SLC24A2: variants seen among roughly 807,000 people sequenced by gnomAD.
SLC24A2 encodes the protein sodium/potassium/calcium exchanger 2.
A neutral mutation model predicts 62.0 loss-of-function variants in SLC24A2; 36 were observed. That is an observed-to-expected ratio of 0.58 (90% confidence interval 0.44 to 0.77). SLC24A2 has a LOEUF of 0.77. Among genes scored for constraint, SLC24A2 ranks in the 30% least tolerant of loss-of-function variants. The pLI is 0.00. For missense variants in SLC24A2, 846 were observed against 817.9 expected (o/e 1.03, Z -0.42); for synonymous variants, 358 against 294.0 (o/e 1.22, Z -2.23).
the SLC24A2 span, among the ~76,000 whole-genome samples, chr9:20,064,667 T>A: frequency 1.3e-5 from 2 of 152,242 alleles, no homozygotes; most frequent in African/African-American, 4.8e-5. Flanking sequence ...ATGGATTTGA[T>A]AATTGTCCTT....
the SLC24A2 span, among the ~76,000 whole-genome samples, chr9:20,005,417 T>A: frequency 0.011 from 1,626 of 152,284 alleles, 36 homozygotes; most frequent in African/African-American, 0.037. Flanking sequence ...ATATGTTAGC[T>A]TGTTTAATCT....
At chr9:19,546,953 C>T (rs1834609173) in intron 8 of SLC24A2, among the ~76,000 whole-genome samples, 1 of 152,112 alleles carries the variant, frequency 6.6e-6, no homozygotes, top group African/African-American at 2.4e-5. Flanking sequence ...TTCCTGACCC[C>T]TTGCACTTCC....
At chr9:19,642,749 C>T (rs10435775) in intron 2 of SLC24A2, among the ~76,000 whole-genome samples, 7 of 133,786 alleles carry the variant, frequency 5.2e-5, no homozygotes, top group Admixed American at 1.7e-4. Flanking sequence ...GGCACTATCT[C>T]GGCTCACTGC....
chr9:20,242,452 T>C, the SLC24A2 span, among the ~76,000 whole-genome samples: 2 of 152,338 alleles, frequency 1.3e-5, no homozygotes, highest in South Asian at 4.1e-4. Context: ...GCTCCAGTAA[T>C]GTGCTTCATA....
At chr9:19,919,028 G>T in the SLC24A2 span, among the ~76,000 whole-genome samples, 2 of 152,128 alleles carry the variant, frequency 1.3e-5, no homozygotes, top group Admixed American at 1.3e-4. Flanking sequence ...TTAAATGAAG[G>T]TTGGAGTTTT....
At chr9:19,873,536 C>CTCTTTCTTTCTTTCTTTCTTTCTTTCTT in the SLC24A2 span, among the ~76,000 whole-genome samples, 36 of 137,126 alleles carry the variant, frequency 2.6e-4, no homozygotes, top group African/African-American at 7.9e-4. Flanking sequence ...TCCTTTCTTT[C>CTCTTTCTTTCTTTCTTTCTTTCTTTCTT]TCTTTCTTTC....
the SLC24A2 span, among the ~76,000 whole-genome samples, chr9:20,159,207 C>T: frequency 1.1e-4 from 16 of 151,728 alleles, no homozygotes; most frequent in East Asian, 2.3e-3. Flanking sequence ...ATCATACACA[C>T]GAACCATTCC....
At chr9:19,679,784 C>T (rs1439506490) in intron 2 of SLC24A2, among the ~76,000 whole-genome samples, 3 of 151,990 alleles carry the variant, frequency 2.0e-5, no homozygotes, top group African/African-American at 7.3e-5. Flanking sequence ...ACTGGGATCT[C>T]TCAGCTTCCA....
chr9:20,220,183 G>A, the SLC24A2 span, among the ~76,000 whole-genome samples: 1 of 151,854 alleles, frequency 6.6e-6, no homozygotes, highest in African/African-American at 2.4e-5. Flanking sequence ...CCAAGGAAAT[G>A]TCTGGTTGTT....
chr9:20,003,011 C>T, the SLC24A2 span, among the ~76,000 whole-genome samples: 63,513 of 151,962 alleles, frequency 0.42, 13,810 homozygotes, highest in African/African-American at 0.46. Context: ...TAATAGCTTT[C>T]GAAAAGGGGA....
the SLC24A2 span, among the ~76,000 whole-genome samples, chr9:20,290,967 G>A: frequency 3.9e-5 from 6 of 152,222 alleles, no homozygotes; most frequent in East Asian, 1.2e-3. Flanking sequence ...TGGAGCTATG[G>A]CCCTGCACCA....
the SLC24A2 span, among the ~76,000 whole-genome samples, chr9:20,120,736 C>G: frequency 6.6e-6 from 1 of 152,050 alleles, no homozygotes; most frequent in African/African-American, 2.4e-5. Context: ...AAAGCAGCAG[C>G]TTTGCCTAAT....
the SLC24A2 span, among the ~76,000 whole-genome samples, chr9:20,065,875 T>A: frequency 6.6e-6 from 1 of 152,178 alleles, no homozygotes; most frequent in East Asian, 1.9e-4. Context: ...TTCTGGATGA[T>A]AATAAGCCAG....
chr9:20,011,810 A>T, the SLC24A2 span, among the ~76,000 whole-genome samples: 1 of 152,196 alleles, frequency 6.6e-6, no homozygotes, highest in East Asian at 1.9e-4. Context: ...ACAGCAAGAG[A>T]CTTTAAGAAC....
At chr9:20,271,964 T>C in the SLC24A2 span, among the ~76,000 whole-genome samples, 882 of 140,522 alleles carry the variant, frequency 6.3e-3, 11 homozygotes, top group African/African-American at 0.022. Flanking sequence ...ATGCTGCCCA[T>C]CTGGAGGGGG....
chr9:20,148,666 G>A, the SLC24A2 span, among the ~76,000 whole-genome samples: 58 of 152,230 alleles, frequency 3.8e-4, no homozygotes, highest in African/African-American at 1.3e-3. Context: ...TGCATGTGAT[G>A]TGTCTCTCAT....
chr9:19,518,417 TTTC>T (rs1833038947), intron 10 of SLC24A2, among the ~76,000 whole-genome samples: 7 of 151,570 alleles, frequency 4.6e-5, no homozygotes, highest in Admixed American at 3.3e-4. Context: ...TTCTTTTTCT[TTTC>T]TTTTCTTTTT....
At chr9:19,987,672 T>C in the SLC24A2 span, among the ~76,000 whole-genome samples, 1 of 152,156 alleles carries the variant, frequency 6.6e-6, no homozygotes, top group Non-Finnish European at 1.5e-5. Flanking sequence ...AACAGGTATA[T>C]TGGTATCTTA....
chr9:19,735,570 C>A (rs1163851297), intron 2 of SLC24A2, among the ~76,000 whole-genome samples: 1 of 152,040 alleles, frequency 6.6e-6, no homozygotes, highest in Non-Finnish European at 1.5e-5. Context: ...ATGTTTATTG[C>A]GGCACTATTC....
Sources: allele counts gnomAD v4.1 joint callset (sites outside exome capture counted in the v4.1 genomes callset), GRCh38; gene constraint gnomAD v4.1.1; transcripts MANE v1.5; gene names NCBI Gene and HGNC (gene_info 2026-07-23, HGNC 2026-07-21).